The following NOL11 variants were observed in gnomAD, a reference collection of about 807,000 sequenced individuals.
NOL11 encodes the protein nucleolar protein 11.
A neutral mutation model predicts 93.0 loss-of-function variants in NOL11; 42 were observed. The observed-to-expected ratio is 0.45, with a 90% CI of 0.35 to 0.58. NOL11 has a LOEUF of 0.58. NOL11 is among the 20% of genes least tolerant of loss of function. The probability of loss-of-function intolerance (pLI) is 0.00; values close to 1 mark genes in which losing one functional copy is unlikely to be tolerated. For missense variants in NOL11, 775 were observed against 841.8 expected, an observed-to-expected ratio of 0.92 and a Z score of 0.98; for synonymous variants, 296 against 293.7, an observed-to-expected ratio of 1.01 and a Z score of -0.08.
chr17:67,722,552 A>G (rs775583927), intron 4 of NOL11, 28 bp from the exon 5 acceptor site: 7 of 1,562,152 alleles, frequency 4.5e-6, no homozygotes, highest in South Asian at 1.2e-5. Flanking sequence ...TTTGCATCCT[A>G]TAATTTTTCT....
intron 6 of NOL11, among the ~76,000 whole-genome samples, chr17:67,724,599 T>C (rs1215525980): frequency 6.6e-6 from 1 of 152,170 alleles, no homozygotes; most frequent in Non-Finnish European, 1.5e-5. Flanking sequence ...CCCAAAGCGC[T>C]GGGATTACAG....
chr17:67,723,238 C>T (rs549861895), intron 5 of NOL11, among the ~76,000 whole-genome samples: 14 of 151,824 alleles, frequency 9.2e-5, no homozygotes, highest in African/African-American at 3.1e-4. Flanking sequence ...TCTTGAACTC[C>T]CAACCTCAGG....
At chr17:67,718,135 T>C in intron 1 of NOL11, 47 bp downstream of exon 1, 1 of 1,593,376 alleles carries the variant, frequency 6.3e-7, no homozygotes, top group South Asian at 1.1e-5. Context: ...TCTCGCCCCT[T>C]TCTGAGCGCG....
rs1280553808 is a variant in NOL11, at chr17:67,737,951, C to G, written c.1508C>G (p.Ala503Gly). Residue 503 changes from alanine to glycine, a missense_variant, in exon 13 of 18, where the codon GCT becomes GGT. By Grantham distance (60) the Ala-to-Gly change is moderately conservative (BLOSUM62 0). Coordinates refer to ENST00000253247, the MANE Select transcript of NOL11 (RefSeq NM_015462.5). Reference sequence around the variant, plus strand: ...GACATTCCTGAATCAGTCACCTGTGCTTGCTTAAAAATTTTCTTGAGGTAA... The same window carrying G: ...GACATTCCTGAATCAGTCACCTGTGGTTGCTTAAAAATTTTCTTGAGGTAA... ...FPDIPESVTCACLKIFLSIGD... is the reference protein window; with the variant it reads ...FPDIPESVTCGCLKIFLSIGD... The G allele has an allele frequency of 6.2e-7, 1 of 1,610,200 alleles. No individual in the cohort carries two copies. The highest frequency in any genetic ancestry group is 1.3e-5 in the African/African-American group (1 of 74,590).
chr17:67,731,259 T>G, intron 7 of NOL11, among the ~76,000 whole-genome samples: 1 of 13,854 alleles, frequency 7.2e-5, no homozygotes, highest in African/African-American at 2.2e-4. Flanking sequence ...AAGTTTTTTT[T>G]TTTTTTTTTT....
intron 6 of NOL11, among the ~76,000 whole-genome samples, chr17:67,725,281 G>A (rs925358215): frequency 1.3e-5 from 2 of 152,050 alleles, no homozygotes; most frequent in African/African-American, 4.8e-5. Flanking sequence ...GAGACAGATG[G>A]GCAAAAGGAG....
chr17:67,718,999 G>T (rs1261529777), intron 1 of NOL11: 1 of 152,188 alleles, frequency 6.6e-6, no homozygotes, highest in East Asian at 1.9e-4. Context: ...AACTTCCCAT[G>T]CAGAGGCATA....
intron 7 of NOL11, among the ~76,000 whole-genome samples, chr17:67,728,616 C>T (rs1259210956): frequency 2.6e-5 from 4 of 152,150 alleles, no homozygotes; most frequent in African/African-American, 9.7e-5. Flanking sequence ...TCCTGTGTCT[C>T]TTCCTATGGT....
chr17:67,721,696 T>C (rs2043218537), intron 4 of NOL11, among the ~76,000 whole-genome samples, 170 bp downstream of exon 4: 1 of 152,224 alleles, frequency 6.6e-6, no homozygotes, highest in Non-Finnish European at 1.5e-5. Context: ...GGCATGAAGA[T>C]TGAAGAAACC....
In NOL11 at chr17:67,738,324, T is replaced by C. The variant is rs755520246; in HGVS notation, c.1732T>C (p.Cys578Arg). The C allele has an allele frequency of 6.2e-7, 1 of 1,613,230 alleles. No individual in the cohort carries two copies. Among genetic ancestry groups the C allele is most frequent in the East Asian group, 2.2e-5 (1 of 44,888 alleles). Residue 578 changes from cysteine to arginine, a missense_variant, in exon 14 of 18, where the codon TGC (cysteine) becomes CGC (arginine). By Grantham distance (180) the Cys-to-Arg change is radical. This residue lies in a region of NOL11 where 416 missense variants were observed against 525.2 expected (regional missense o/e 0.79). Coordinates refer to ENST00000253247, the MANE Select transcript of NOL11 (RefSeq NM_015462.5). ...PQDETKESTS[C>R]PVVQKRAALL... ...GGACGAAACAAAGGAGAGCACTTCA[T>C]GCCCTGTGGTACAAAAAAGAGCAGC...
chr17:67,743,626 C>A, intron 17 of NOL11, 40 bp downstream of exon 17: 1 of 1,282,064 alleles, frequency 7.8e-7, no homozygotes, highest in South Asian at 1.3e-5. Context: ...TATTTGTACC[C>A]AAGTATCACC....
At chr17:67,719,851 T>C (rs2043204787) in intron 2 of NOL11, 55 bp from the exon 3 acceptor site, 1 of 1,499,584 alleles carries the variant, frequency 6.7e-7, no homozygotes, top group Non-Finnish European at 9.1e-7. Flanking sequence ...TATTTGTATT[T>C]ATTATATGTA....
Position 67,724,163 on chromosome 17 carries a change from G to A in NOL11, c.634G>A (p.Asp212Asn), listed in dbSNP as rs767586061. ...TATAAAGAGTTTTACTGCATCTGTAGATCGGAAATTCATCTCTTTGATGTC... is the reference window on the plus strand; with the variant it reads ...TATAAAGAGTTTTACTGCATCTGTAAATCGGAAATTCATCTCTTTGATGTC... ...SVIKSFTASV[D>N]RKFISLMSLS... The change falls in exon 6 of 18, where the codon GAT (aspartate) becomes AAT (asparagine). Residue 212 changes from aspartate (D) to asparagine (N), a missense_variant. Physicochemically the swap from Asp to Asn is conservative, Grantham distance 23. Coordinates refer to ENST00000253247, the MANE Select transcript of NOL11 (RefSeq NM_015462.5). 3 of 1,576,910 alleles carry A rather than the reference G, an allele frequency of 1.9e-6. No individual in the cohort carries two copies. In the Admixed American group the frequency reaches 6.0e-5, roughly 31 times the overall value.
At chr17:67,734,329 G>T in intron 7 of NOL11, 34 bp from the exon 8 acceptor site, 1 of 1,201,026 alleles carries the variant, frequency 8.3e-7, no homozygotes, top group Non-Finnish European at 1.2e-6. Context: ...TTTATACTTG[G>T]GACTTTTTTC....
At position 67,726,666 on chromosome 17, in the gene NOL11, C is replaced by A; in HGVS notation, c.853+18C>A. On this transcript the variant is annotated intron_variant, in intron 7 of 17. Coordinates refer to ENST00000253247, the MANE Select transcript of NOL11 (RefSeq NM_015462.5). Reference sequence around the variant, plus strand: ...TTCTAAGGGTAACTGACATCCAATTCATTAAGAAGGCCTTTGTATGTTTCC... The same window carrying A: ...TTCTAAGGGTAACTGACATCCAATTAATTAAGAAGGCCTTTGTATGTTTCC... The A allele has an allele frequency of 6.5e-7, 1 of 1,548,048 alleles. No individual in the cohort carries two copies. The highest frequency in any genetic ancestry group is 1.2e-5 in the South Asian group (1 of 82,184).
At chr17:67,734,025 T>G (rs2055178517) in intron 7 of NOL11, among the ~76,000 whole-genome samples, 2 of 152,218 alleles carry the variant, frequency 1.3e-5, no homozygotes, top group African/African-American at 4.8e-5. Context: ...AAGTATTTCC[T>G]GCTCTTTTAT....
chr17:67,721,112 C>T (rs771581635), intron 3 of NOL11, among the ~76,000 whole-genome samples: 1 of 152,160 alleles, frequency 6.6e-6, no homozygotes, highest in African/African-American at 2.4e-5. Context: ...AGGTTTTAGC[C>T]TAACCTCTAG....
intron 16 of NOL11, among the ~76,000 whole-genome samples, chr17:67,739,985 C>T (rs2055239951): frequency 6.6e-6 from 1 of 152,098 alleles, no homozygotes; most frequent in Non-Finnish European, 1.5e-5. Context: ...CCTGTAATCC[C>T]AGCACTTTGG....
intron 7 of NOL11, among the ~76,000 whole-genome samples, chr17:67,727,666 AAAAG>A (rs894845246): frequency 4.6e-5 from 7 of 151,878 alleles, no homozygotes; most frequent in African/African-American, 1.7e-4. Flanking sequence ...TCAAAAAAAA[AAAAG>A]ATAGGAGCTC....
Sources: allele counts gnomAD v4.1 joint callset (sites outside exome capture counted in the v4.1 genomes callset), GRCh38; gene constraint gnomAD v4.1.1; regional missense constraint gnomAD v4.1.1; transcripts MANE v1.5; gene names NCBI Gene and HGNC (gene_info 2026-07-23, HGNC 2026-07-21).